METTL15: variants seen among roughly 807,000 people sequenced by gnomAD.
METTL15 encodes 12S rRNA N(4)-cytidine methyltransferase METTL15.
METTL15 carries 34 observed loss-of-function variants against 38.3 expected under a neutral mutation model. The ratio of observed to expected loss-of-function variants is 0.89; its 90% confidence interval spans 0.68 to 1.18. The LOEUF is 1.18. Ranked by LOEUF, METTL15 falls within the 50% of genes most tolerant of loss-of-function variation. METTL15 has a pLI of 0.00. For missense variants in METTL15, 438 were observed against 498.4 expected, an observed-to-expected ratio of 0.88 and a Z score of 1.15; for synonymous variants, 162 against 170.9, an observed-to-expected ratio of 0.95 and a Z score of 0.41.
At chr11:28,396,158 G>A (rs185446125) in intron 5 of METTL15, among the ~76,000 whole-genome samples, 1 of 152,264 alleles carries the variant, frequency 6.6e-6, no homozygotes, top group African/African-American at 2.4e-5. Context: ...GCAAAAACTG[G>A]AAGCATTCCC....
chr11:28,211,491 T>C (rs922999450), intron 4 of METTL15, among the ~76,000 whole-genome samples: 1 of 152,084 alleles, frequency 6.6e-6, no homozygotes, highest in Non-Finnish European at 1.5e-5. Context: ...TGACAATAAC[T>C]CATAGTCAAA....
intron 3 of METTL15, among the ~76,000 whole-genome samples, chr11:28,121,134 A>G (rs552491044): frequency 1.2e-4 from 18 of 152,240 alleles, no homozygotes; most frequent in Non-Finnish European, 2.2e-4. Context: ...ACCTAACTAT[A>G]TTGAACCTTG....
intron 5 of METTL15, chr11:28,410,575 T>G (rs1850716085): frequency 6.6e-6 from 1 of 152,150 alleles, no homozygotes; most frequent in East Asian, 1.9e-4. Flanking sequence ...CATTCAGCAT[T>G]CTTTCTTGAT....
At chr11:28,155,709 G>T (rs1383647735) in intron 3 of METTL15, among the ~76,000 whole-genome samples, 1 of 152,130 alleles carries the variant, frequency 6.6e-6, no homozygotes, top group African/African-American at 2.4e-5. Flanking sequence ...TCAAATTCTG[G>T]CTTTTTTGTG....
At chr11:28,111,966 C>G (rs1255648049) in intron 2 of METTL15, among the ~76,000 whole-genome samples, 1 of 152,104 alleles carries the variant, frequency 6.6e-6, no homozygotes, top group Non-Finnish European at 1.5e-5. Context: ...ATTCCCCCCC[C>G]CACCGACATT....
intron 3 of METTL15, among the ~76,000 whole-genome samples, chr11:28,134,064 A>G (rs1408998125): frequency 6.6e-6 from 1 of 152,172 alleles, no homozygotes; most frequent in East Asian, 1.9e-4. Flanking sequence ...GATTCAAAGA[A>G]CAGGAAAGAT....
At chr11:28,466,782 G>A (rs1851260834) in intron 6 of METTL15, among the ~76,000 whole-genome samples, 1 of 152,138 alleles carries the variant, frequency 6.6e-6, no homozygotes, top group African/African-American at 2.4e-5. Flanking sequence ...CTGGTGTGGG[G>A]AATGCATGCC....
At chr11:28,427,345 T>C (rs949432188) in intron 6 of METTL15, among the ~76,000 whole-genome samples, 8 of 152,194 alleles carry the variant, frequency 5.3e-5, no homozygotes, top group African/African-American at 1.7e-4. Flanking sequence ...AGCCTTGTAG[T>C]ATAGTTTGAA....
chr11:28,510,334 G>T (rs1032894101), intron 6 of METTL15, among the ~76,000 whole-genome samples: 2 of 152,056 alleles, frequency 1.3e-5, no homozygotes, highest in Non-Finnish European at 2.9e-5. Flanking sequence ...TTTTGCATCT[G>T]TTTGTTTATT....
intron 3 of METTL15, among the ~76,000 whole-genome samples, chr11:28,198,654 A>G (rs1384635230): frequency 6.6e-6 from 1 of 152,176 alleles, no homozygotes; most frequent in African/African-American, 2.4e-5. Context: ...CAATAAAACA[A>G]AGTAAGTGTT....
the METTL15 span, among the ~76,000 whole-genome samples, chr11:28,532,067 C>A: frequency 6.6e-6 from 1 of 152,076 alleles, no homozygotes; most frequent in South Asian, 2.1e-4. Flanking sequence ...ATGTCTTTCT[C>A]TATCTAACTA....
intron 5 of METTL15, among the ~76,000 whole-genome samples, chr11:28,388,301 G>A (rs1406318353): frequency 6.6e-6 from 1 of 152,046 alleles, no homozygotes; most frequent in Non-Finnish European, 1.5e-5. Context: ...AATCTTATAT[G>A]TAGAAAACAA....
chr11:28,310,990 G>A (rs1032558751), intron 6 of METTL15, among the ~76,000 whole-genome samples: 14 of 148,228 alleles, frequency 9.4e-5, no homozygotes, highest in Non-Finnish European at 1.8e-4. Flanking sequence ...GTGTGTGTGT[G>A]TGTGTGTGTG....
At chr11:28,311,643 A>G (rs574435518) in intron 6 of METTL15, among the ~76,000 whole-genome samples, 44 of 152,368 alleles carry the variant, frequency 2.9e-4, no homozygotes, top group African/African-American at 1.1e-3. Context: ...GTAATTTACT[A>G]GCTTTGTAAA....
intron 3 of METTL15, among the ~76,000 whole-genome samples, chr11:28,184,264 T>C (rs552320079): frequency 6.6e-6 from 1 of 152,170 alleles, no homozygotes; most frequent in South Asian, 2.1e-4. Flanking sequence ...TCTCCTTCAG[T>C]TCTGCTCTGA....
chr11:28,377,568 T>C (rs1408612941), intron 5 of METTL15, among the ~76,000 whole-genome samples: 3 of 151,432 alleles, frequency 2.0e-5, no homozygotes, highest in Admixed American at 6.6e-5. Context: ...TTCTAAATTT[T>C]TTTCAAAGTT....
chr11:28,322,605 T>C (rs949254633), intron 6 of METTL15, among the ~76,000 whole-genome samples: 2 of 152,116 alleles, frequency 1.3e-5, no homozygotes, highest in Admixed American at 1.3e-4. Context: ...TTTAGAAATA[T>C]TGATCCAAAT....
chr11:28,187,635 T>C (rs1851548146), intron 3 of METTL15, among the ~76,000 whole-genome samples: 1 of 150,728 alleles, frequency 6.6e-6, no homozygotes. Context: ...TATTTTGTTA[T>C]CTTTATAGGG....
intron 6 of METTL15, among the ~76,000 whole-genome samples, chr11:28,310,471 G>A (rs1857237081): frequency 6.6e-6 from 1 of 151,984 alleles, no homozygotes. Context: ...AATATTTCCT[G>A]CAGTTGGCTT....
Sources: allele counts gnomAD v4.1 joint callset (sites outside exome capture counted in the v4.1 genomes callset), GRCh38; gene constraint gnomAD v4.1.1; transcripts MANE v1.5; gene names NCBI Gene and HGNC (gene_info 2026-07-23, HGNC 2026-07-21).